Variants in CAMK2N2 observed in about 807,000 individuals in gnomAD.
CAMK2N2 encodes calcium/calmodulin-dependent protein kinase II inhibitor 2.
CAMK2N2 carries 3 observed loss-of-function variants against 7.8 expected under a neutral mutation model. The observed-to-expected ratio is 0.38, with a 90% CI of 0.18 to 0.99. The LOEUF is 0.99. Among genes scored for constraint, CAMK2N2 ranks in the 50% least tolerant of loss-of-function variants. The pLI is 0.37. For synonymous variants in CAMK2N2, 45 were observed against 46.6 expected (o/e 0.97, Z 0.14); for missense variants, 85 against 108.4 (o/e 0.78, Z 0.96).
Position 184,261,174 on chromosome 3 carries a change from CGAA to C in CAMK2N2, c.109_111del (p.Phe37del). ...GGGGGTCGCTTGGCCTGGTTGCCCG[CGAA>C]GAAGGAGTTGGTGTCCTGCAGGCGG... On this transcript the variant is annotated inframe_deletion, in exon 1 of 2. Coordinates refer to ENST00000296238, the MANE Select transcript of CAMK2N2 (RefSeq NM_033259.3). The surrounding 1 kb of genome is among the most constrained non-coding windows in gnomAD (Gnocchi z 5.1). 2 of 1,607,602 alleles carry C rather than the reference CGAA, an allele frequency of 1.2e-6. No individual in the cohort carries two copies. Among genetic ancestry groups the C allele is most frequent in the Non-Finnish European group, 8.5e-7 (1 of 1,177,780 alleles).
In CAMK2N2 at chr3:184,261,130, G is replaced by T; in HGVS notation, c.156C>A (p.Gly52=). 6.2e-7 allele frequency: 1 copy of T among 1,603,540 alleles called. No individual in the cohort carries two copies. The change falls in exon 1 of 2, where the codon GGC becomes GGA. Residue 52 remains glycine, a synonymous_variant. Transcript: ENST00000296238. The surrounding 1 kb of genome is among the most constrained non-coding windows in gnomAD (Gnocchi z 5.1). ...CGGGCCGCGTACCTCGCTTGGCTCG[G>T]CCGATCTGGCCCAGCTTGGGGGGTC... ...AKRPPKLGQI[G]RAKRVVIEDD... is the part of the protein sequence containing the mutation.
At position 184,260,219 on chromosome 3, in the gene CAMK2N2, C is replaced by A. The variant is rs772874827; in HGVS notation, c.178G>T (p.Glu60Ter). 6.2e-7 allele frequency: 1 copy of A among 1,610,706 alleles called. No homozygotes were observed. Among genetic ancestry groups the A allele is most frequent in the Non-Finnish European group, 8.5e-7 (1 of 1,178,558 alleles). ...QIGRAKRVVI[E>*]DDRIDDVLKG... ...AGCACGTCGTCTATCCGGTCATCCT[C>A]GATCACCACTGCGCAGGGAGAAAGC... Residue 60 changes from glutamate (E) to a stop codon, truncating the protein, a stop_gained, in exon 2 of 2, where the codon GAG becomes TAG. Transcript: ENST00000296238. LOFTEE classifies it high-confidence loss of function. This position sits in a 1 kb window ranked among gnomAD's most constrained non-coding sequence, Gnocchi z 6.6.
rs113892969 is a variant in CAMK2N2, at chr3:184,261,540, G to T, written c.-255C>A. ...GGGGGGCGGGGGTGGCGGCGGCGGC[G>T]GCAAGAGCGGAATGACGATGAGCGC... On this transcript the variant is annotated 5_prime_UTR_variant, in exon 1 of 2. Coordinates refer to ENST00000296238, the MANE Select transcript of CAMK2N2 (RefSeq NM_033259.3). The surrounding 1 kb of genome is among the most constrained non-coding windows in gnomAD (Gnocchi z 5.1). 3.3e-5 allele frequency: 5 copies of T among 150,266 alleles called. No homozygotes were observed. Among genetic ancestry groups the T allele is most frequent in the African/African-American group, 9.8e-5 (4 of 40,782 alleles). 9.3% of individuals were successfully genotyped at this position (150,266 alleles called of 1,614,324 possible). A position where few individuals can be genotyped will look rare whatever the true frequency, so the allele number is the denominator to read the frequency against.
rs953148082 is a variant in CAMK2N2 at position 184,260,754 on chromosome 3, G to A, written c.169+363C>T. Among the ~76,000 whole-genome samples the A allele has an allele frequency of 6.6e-6, 1 of 152,146 alleles. No individual in the cohort carries two copies. The highest frequency in any genetic ancestry group is 6.5e-5 in the Admixed American group (1 of 15,276). On this transcript the variant is annotated intron_variant, in intron 1 of 1. Transcript: ENST00000296238. The surrounding 1 kb of genome is among the most constrained non-coding windows in gnomAD (Gnocchi z 6.6). The stretch of plus-strand genomic sequence containing the variant: ...CCCTCTCTTGTTAGACGTCCCTCTC[G>A]ACCCGAAGGTTCTTCGTATTGTCCA...
In CAMK2N2 at chr3:184,260,296, T is replaced by C; in HGVS notation, c.170-69A>G. 1.4e-6 allele frequency: 2 copies of C among 1,455,676 alleles called. No individual in the cohort carries two copies. The highest frequency in any genetic ancestry group is 1.9e-6 in the Non-Finnish European group (2 of 1,051,506). The allele number at this position is 1,455,676 out of a possible 1,614,324, so 90.2% of individuals were successfully genotyped here. A position where few individuals can be genotyped will look rare whatever the true frequency, so the allele number is the denominator to read the frequency against. ...GGCGGCGATGAGAATGAGCCCCGCG[T>C]CCTAGCTTCCCGCGCAGCTACTGCC... On this transcript the variant is annotated intron_variant, in intron 1 of 1. Coordinates refer to ENST00000296238, the MANE Select transcript of CAMK2N2 (RefSeq NM_033259.3). This position sits in a 1 kb window ranked among gnomAD's most constrained non-coding sequence, Gnocchi z 6.6.
rs1008610475 is a variant in CAMK2N2 at position 184,261,216 on chromosome 3, G to A, written c.70C>T (p.Leu24Phe). 3 of 1,607,500 alleles carry A rather than the reference G, an allele frequency of 1.9e-6. No homozygotes were observed. The highest frequency in any genetic ancestry group is 1.7e-5 in the Admixed American group (1 of 59,726). Reference sequence around the variant, plus strand: ...TCCTGCAGGCGGCAGCTGAAGGAGAGGTCGGAGCCCTCGGGGTCTGCGCCG... The same window carrying A: ...TCCTGCAGGCGGCAGCTGAAGGAGAAGTCGGAGCCCTCGGGGTCTGCGCCG... ...RFGADPEGSD[L>F]SFSCRLQDTN... is the part of the protein sequence containing the mutation. The change falls in exon 1 of 2, where the codon CTC becomes TTC. Residue 24 changes from leucine (L) to phenylalanine (F), a missense_variant. Leu to Phe is a conservative substitution (Grantham distance 22, BLOSUM62 0). Coordinates refer to ENST00000296238, the MANE Select transcript of CAMK2N2 (RefSeq NM_033259.3). The surrounding 1 kb of genome is among the most constrained non-coding windows in gnomAD (Gnocchi z 5.1).
rs1250359911 is a variant in CAMK2N2 at position 184,261,037 on chromosome 3, C to T, written c.169+80G>A. On this transcript the variant is annotated intron_variant, in intron 1 of 1. Transcript: ENST00000296238. The surrounding 1 kb of genome is among the most constrained non-coding windows in gnomAD (Gnocchi z 5.1). Reference sequence around the variant, plus strand: ...TGGTCTGCGGCAAGAGCTGCGGGCACTCGGCGGGGAACGGCAGCCGGGGGG... The same window carrying T: ...TGGTCTGCGGCAAGAGCTGCGGGCATTCGGCGGGGAACGGCAGCCGGGGGG... 10 of 1,433,934 alleles carry T rather than the reference C, an allele frequency of 7.0e-6. No homozygotes were observed. Among genetic ancestry groups the T allele is most frequent in the Non-Finnish European group, 8.2e-6 (9 of 1,092,096 alleles). The allele number at this position is 1,433,934 out of a possible 1,614,324, so 88.8% of individuals were successfully genotyped here. A position where few individuals can be genotyped will look rare whatever the true frequency, so the allele number is the denominator to read the frequency against.
At position 184,261,427 on chromosome 3, in the gene CAMK2N2, C is replaced by A. The variant is rs1183473621; in HGVS notation, c.-142G>T. On this transcript the variant is annotated 5_prime_UTR_variant, in exon 1 of 2. Transcript: ENST00000296238. The surrounding 1 kb of genome is among the most constrained non-coding windows in gnomAD (Gnocchi z 5.1). Reference sequence around the variant, plus strand: ...CAGCATCCGGGGCTGAGGAGCCAAGCGGGGCCTCCTCCCCCGCGCCTCCGC... The same window carrying A: ...CAGCATCCGGGGCTGAGGAGCCAAGAGGGGCCTCCTCCCCCGCGCCTCCGC... 6 of 579,622 alleles carry A rather than the reference C, an allele frequency of 1.0e-5. No homozygotes were observed. The highest frequency in any genetic ancestry group is 1.4e-5 in the Non-Finnish European group (6 of 417,168). 35.9% of individuals were successfully genotyped at this position (579,622 alleles called of 1,614,324 possible). A position where few individuals can be genotyped will look rare whatever the true frequency, so the allele number is the denominator to read the frequency against.
Position 184,260,366 on chromosome 3 carries a change from C to G in CAMK2N2, c.170-139G>C, listed in dbSNP as rs1226227488. 2 of 727,444 alleles carry G rather than the reference C, an allele frequency of 2.7e-6. No homozygotes were observed. Among genetic ancestry groups the G allele is most frequent in the Non-Finnish European group, 4.4e-6 (2 of 458,422 alleles). 45.1% of individuals were successfully genotyped at this position (727,444 alleles called of 1,614,324 possible). On this transcript the variant is annotated intron_variant, in intron 1 of 1. Transcript: ENST00000296238. The surrounding 1 kb of genome is among the most constrained non-coding windows in gnomAD (Gnocchi z 6.6). ...TCGGAACCCTGTGCCGCGGTGTCCT[C>G]CCCGTCCGAACTCTTCTGGAGACCC...
chr3:184,259,406 G>A lies in CAMK2N2; in HGVS notation c.*751C>T, dbSNP rs9824. On this transcript the variant is annotated 3_prime_UTR_variant, in exon 2 of 2. Transcript: ENST00000296238. ...TAAAATCGGATCTGGGCCCTTGGAA[G>A]GTGATGATACCTTGGGGAGAAGGGG... 0.2 allele frequency: 31,235 copies of A among 152,754 alleles called. 3,975 individuals are homozygous for A. The highest frequency in any genetic ancestry group is 0.42 in the East Asian group (2,149 of 5,146). The allele number at this position is 152,754 out of a possible 1,614,324, so 9.5% of individuals were successfully genotyped here. A position where few individuals can be genotyped will look rare whatever the true frequency, so the allele number is the denominator to read the frequency against.
Position 184,260,989 on chromosome 3 carries a change from G to A in CAMK2N2, c.169+128C>T. On this transcript the variant is annotated intron_variant, in intron 1 of 1. Coordinates refer to ENST00000296238, the MANE Select transcript of CAMK2N2 (RefSeq NM_033259.3). This position sits in a 1 kb window ranked among gnomAD's most constrained non-coding sequence, Gnocchi z 6.6. ...CAGCGGGGACCCCCCCCTCCAGCCC[G>A]GGCTGGAGAGCGGCTGGTGCGCTGG... The A allele has an allele frequency of 1.4e-6, 1 of 696,026 alleles. No individual in the cohort carries two copies. Among genetic ancestry groups the A allele is most frequent in the Non-Finnish European group, 2.1e-6 (1 of 479,886 alleles). The allele number at this position is 696,026 out of a possible 1,614,324, so 43.1% of individuals were successfully genotyped here. A position where few individuals can be genotyped will look rare whatever the true frequency, so the allele number is the denominator to read the frequency against.
Position 184,261,172 on chromosome 3 carries a change from C to G in CAMK2N2, c.114G>C (p.Ala38=). 1.9e-6 allele frequency: 3 copies of G among 1,607,644 alleles called. No individual in the cohort carries two copies. Among genetic ancestry groups the G allele is most frequent in the Non-Finnish European group, 1.7e-6 (2 of 1,177,796 alleles). The change falls in exon 1 of 2, where the codon GCG becomes GCC. Residue 38 remains alanine, a synonymous_variant. Transcript: ENST00000296238. The surrounding 1 kb of genome is among the most constrained non-coding windows in gnomAD (Gnocchi z 5.1). ...CRLQDTNSFF[A]GNQAKRPPKL... is the part of the protein sequence containing the mutation. ...TGGGGGGTCGCTTGGCCTGGTTGCC[C>G]GCGAAGAAGGAGTTGGTGTCCTGCA...
Position 184,260,091 on chromosome 3 carries a change from AT to A in CAMK2N2, c.*65del. 1.0e-6 allele frequency: 1 copy of A among 957,356 alleles called. No homozygotes were observed. The highest frequency in any genetic ancestry group is 1.3e-6 in the Non-Finnish European group (1 of 792,932). 59.3% of individuals were successfully genotyped at this position (957,356 alleles called of 1,614,324 possible). On this transcript the variant is annotated 3_prime_UTR_variant, in exon 2 of 2. Transcript: ENST00000296238. The surrounding 1 kb of genome is among the most constrained non-coding windows in gnomAD (Gnocchi z 6.6). Reference sequence around the variant, plus strand: ...GGGGCGGGGGGGCGCCGGCAGCCGCATCGCCGGCCCGCGCTCCTGGCCGCTG... The same window carrying A: ...GGGGCGGGGGGGCGCCGGCAGCCGCACGCCGGCCCGCGCTCCTGGCCGCTG...
In CAMK2N2 at chr3:184,261,002, G is replaced by T. The variant is rs1335254582; in HGVS notation, c.169+115C>A. Reference sequence around the variant, plus strand: ...CCCCTCCAGCCCGGGCTGGAGAGCGGCTGGTGCGCTGGTCTGCGGCAAGAG... The same window carrying T: ...CCCCTCCAGCCCGGGCTGGAGAGCGTCTGGTGCGCTGGTCTGCGGCAAGAG... On this transcript the variant is annotated intron_variant, in intron 1 of 1. Transcript: ENST00000296238. This position sits in a 1 kb window ranked among gnomAD's most constrained non-coding sequence, Gnocchi z 5.1. The T allele has an allele frequency of 1.8e-6, 2 of 1,134,090 alleles. No homozygotes were observed. The highest frequency in any genetic ancestry group is 6.3e-5 in the Admixed American group (2 of 31,578). The allele number at this position is 1,134,090 out of a possible 1,614,324, so 70.3% of individuals were successfully genotyped here.
chr3:184,261,151 G>C lies in CAMK2N2; in HGVS notation c.135C>G (p.Pro45=). 2 of 1,606,658 alleles carry C rather than the reference G, an allele frequency of 1.2e-6. No individual in the cohort carries two copies. Among genetic ancestry groups the C allele is most frequent in the Non-Finnish European group, 1.7e-6 (2 of 1,177,468 alleles). The change falls in exon 1 of 2, where the codon CCC becomes CCG. Residue 45 remains proline, a synonymous_variant. Transcript: ENST00000296238. The surrounding 1 kb of genome is among the most constrained non-coding windows in gnomAD (Gnocchi z 5.1). The part of the protein sequence containing the change: ...SFFAGNQAKR[P]PKLGQIGRAK... ...CTCGGCCGATCTGGCCCAGCTTGGG[G>C]GGTCGCTTGGCCTGGTTGCCCGCGA...
rs1302503007 is a variant in CAMK2N2 at position 184,260,201 on chromosome 3, C to G, written c.196G>C (p.Asp66His). ...TTCTCCCCCATCCCCTTCAGCACGT[C>G]GTCTATCCGGTCATCCTCGATCACC... is the stretch of plus-strand genomic sequence containing the variant. Reference protein sequence around the residue: ...RVVIEDDRIDDVLKGMGEKPP... With the variant: ...RVVIEDDRIDHVLKGMGEKPP... Residue 66 changes from aspartate (D) to histidine (H), a missense_variant, in exon 2 of 2, where the codon GAC (aspartate) becomes CAC (histidine). Transcript: ENST00000296238. This position sits in a 1 kb window ranked among gnomAD's most constrained non-coding sequence, Gnocchi z 6.6. The G allele has an allele frequency of 6.2e-7, 1 of 1,610,854 alleles. No individual in the cohort carries two copies. Among genetic ancestry groups the G allele is most frequent in the Non-Finnish European group, 8.5e-7 (1 of 1,178,708 alleles).
rs765482945 is a variant in CAMK2N2, at chr3:184,261,151, G to A, written c.135C>T (p.Pro45=). The A allele has an allele frequency of 6.2e-7, 1 of 1,606,658 alleles. No individual in the cohort carries two copies. The highest frequency in any genetic ancestry group is 2.3e-5 in the East Asian group (1 of 43,956). The change falls in exon 1 of 2, where the codon CCC becomes CCT. Residue 45 remains proline, a synonymous_variant. Coordinates refer to ENST00000296238, the MANE Select transcript of CAMK2N2 (RefSeq NM_033259.3). The surrounding 1 kb of genome is among the most constrained non-coding windows in gnomAD (Gnocchi z 5.1). ...SFFAGNQAKR[P]PKLGQIGRAK... is the part of the protein sequence containing the mutation. ...CTCGGCCGATCTGGCCCAGCTTGGG[G>A]GGTCGCTTGGCCTGGTTGCCCGCGA...
Position 184,260,731 on chromosome 3 carries a change from C to T in CAMK2N2, c.169+386G>A, listed in dbSNP as rs1720014430. Among the ~76,000 whole-genome samples the T allele has an allele frequency of 6.6e-6, 1 of 152,252 alleles. No individual in the cohort carries two copies. Among genetic ancestry groups the T allele is most frequent in the Non-Finnish European group, 1.5e-5 (1 of 68,040 alleles). On this transcript the variant is annotated intron_variant, in intron 1 of 1. Coordinates refer to ENST00000296238, the MANE Select transcript of CAMK2N2 (RefSeq NM_033259.3). This position sits in a 1 kb window ranked among gnomAD's most constrained non-coding sequence, Gnocchi z 6.6. ...ACAAGCGGACCCCCGGCCTCCTGCC[C>T]TCTCTTGTTAGACGTCCCTCTCGAC...
rs1439954487 is a variant in CAMK2N2, at chr3:184,260,056, C to G, written c.*101G>C. ...CGGCCCTGCAGCCCCCGCCCGCGGG[C>G]GCCTGGGCCGGGGCGGGGGGGCGCC... On this transcript the variant is annotated 3_prime_UTR_variant, in exon 2 of 2. Coordinates refer to ENST00000296238, the MANE Select transcript of CAMK2N2 (RefSeq NM_033259.3). This position sits in a 1 kb window ranked among gnomAD's most constrained non-coding sequence, Gnocchi z 6.6. The G allele has an allele frequency of 7.2e-6, 4 of 558,394 alleles. No individual in the cohort carries two copies. In the African/African-American group the frequency reaches 8.4e-5, roughly 12 times the overall value. The allele number at this position is 558,394 out of a possible 1,614,324, so 34.6% of individuals were successfully genotyped here.
Sources: gnomAD v4.1 joint callset for allele counts (sites outside exome capture counted in the v4.1 genomes callset) on GRCh38, gnomAD v4.1.1 for gene constraint, Gnocchi (gnomAD v3.1) non-coding constraint, MANE v1.5 for transcripts, NCBI Gene and HGNC (gene_info 2026-07-23, HGNC 2026-07-21) for gene names.